SMARCAD1: variants seen among roughly 807,000 people sequenced by gnomAD.
SMARCAD1 encodes the protein SNF2 related chromatin remodeling ATPase with DExD box 1.
A neutral mutation model predicts 127.1 loss-of-function variants in SMARCAD1; 25 were observed. The observed-to-expected ratio is 0.20, with a 90% CI of 0.14 to 0.27. The LOEUF (loss-of-function observed/expected upper bound fraction) is 0.27, where lower values mean the gene tolerates loss of function less well. SMARCAD1 is among the 10% of genes least tolerant of loss of function. The pLI is 1.00. For missense variants in SMARCAD1, 807 were observed against 1,206.0 expected, an observed-to-expected ratio of 0.67 and a Z score of 4.90; for synonymous variants, 400 against 396.9, an observed-to-expected ratio of 1.01 and a Z score of -0.09.
intron 6 of SMARCAD1, among the ~76,000 whole-genome samples, chr4:94,247,059 A>G (rs557552914): frequency 6.6e-6 from 1 of 152,182 alleles, no homozygotes. Context: ...GGCATCTTAC[A>G]TTGGGATGGG....
intron 10 of SMARCAD1, among the ~76,000 whole-genome samples, chr4:94,266,998 T>G (rs900631302): frequency 6.6e-6 from 1 of 152,152 alleles, no homozygotes; most frequent in African/African-American, 2.4e-5. Context: ...AAATAAATCC[T>G]TAGTATTTCT....
chr4:94,272,275 G>A (rs977731878), intron 11 of SMARCAD1, among the ~76,000 whole-genome samples: 1 of 152,154 alleles, frequency 6.6e-6, no homozygotes, highest in Non-Finnish European at 1.5e-5. Context: ...CGACTCCAAC[G>A]TATGTATTGT....
At chr4:94,240,517 A>C (rs1747414275) in intron 5 of SMARCAD1, among the ~76,000 whole-genome samples, 1 of 152,206 alleles carries the variant, frequency 6.6e-6, no homozygotes, top group Admixed American at 6.5e-5. Flanking sequence ...GTAGACTCAG[A>C]AATTGCTGGT....
At chr4:94,210,612 A>G (rs1425623618) in intron 2 of SMARCAD1, among the ~76,000 whole-genome samples, 1 of 152,136 alleles carries the variant, frequency 6.6e-6, no homozygotes, top group Non-Finnish European at 1.5e-5. Flanking sequence ...AATGAAGGGC[A>G]GGGTTTAGAT....
intron 3 of SMARCAD1, among the ~76,000 whole-genome samples, chr4:94,232,023 A>G (rs1219325211): frequency 6.6e-6 from 1 of 151,824 alleles, no homozygotes; most frequent in Non-Finnish European, 1.5e-5. Flanking sequence ...CACCATGCCA[A>G]GCTAATTGTT....
chr4:94,255,872 G>A (rs554004453), intron 9 of SMARCAD1, among the ~76,000 whole-genome samples: 32 of 151,748 alleles, frequency 2.1e-4, no homozygotes, highest in African/African-American at 6.8e-4. Context: ...CAGTTTTTCT[G>A]CATAATAGCA....
chr4:94,278,983 A>T lies in SMARCAD1; in HGVS notation c.2351A>T (p.His784Leu). ...ATGCAGTTGAGGAAAATGGCCAATC[A>T]TCCTTTATTACATCGCCAATATTAC... is the stretch of plus-strand genomic sequence containing the variant. ...VMMQLRKMANHPLLHRQYYTA... is the reference protein window; with the variant it reads ...VMMQLRKMANLPLLHRQYYTA... The change falls in exon 19 of 24, where the codon CAT becomes CTT. Residue 784 changes from histidine to leucine, a missense_variant. His to Leu is a moderately conservative substitution (Grantham distance 99). Transcript: ENST00000354268. 6.2e-7 allele frequency: 1 copy of T among 1,614,166 alleles called. No homozygotes were observed. The highest frequency in any genetic ancestry group is 1.1e-5 in the South Asian group (1 of 91,082).
intron 9 of SMARCAD1, among the ~76,000 whole-genome samples, chr4:94,260,927 C>T (rs1438759012): frequency 6.6e-6 from 1 of 151,876 alleles, no homozygotes; most frequent in African/African-American, 2.4e-5. Flanking sequence ...TAAATTGGTA[C>T]AGCTTAAGTG....
At chr4:94,230,397 A>G (rs1269380700) in intron 3 of SMARCAD1, among the ~76,000 whole-genome samples, 4 of 152,036 alleles carry the variant, frequency 2.6e-5, no homozygotes, top group Non-Finnish European at 4.4e-5. Context: ...TATCAGTTCT[A>G]GAAATTTTTA....
chr4:94,246,706 C>T (rs982763254), intron 6 of SMARCAD1, among the ~76,000 whole-genome samples: 1 of 152,140 alleles, frequency 6.6e-6, no homozygotes, highest in African/African-American at 2.4e-5. Context: ...GTATCAAGTC[C>T]AGTCAACATG....
intron 2 of SMARCAD1, among the ~76,000 whole-genome samples, chr4:94,216,654 C>G (rs181788555): frequency 6.6e-6 from 1 of 152,122 alleles, no homozygotes; most frequent in Admixed American, 6.5e-5. Context: ...CTACCGTTTA[C>G]GTTGTCTTTT....
chr4:94,224,748 C>G (rs907753173), intron 2 of SMARCAD1, among the ~76,000 whole-genome samples: 8 of 152,076 alleles, frequency 5.3e-5, no homozygotes, highest in African/African-American at 1.9e-4. Context: ...ACTTGGATTT[C>G]AGATCTACTT....
Position 94,289,707 on chromosome 4 carries a change from T to G in SMARCAD1, c.*173T>G. The G allele has an allele frequency of 2.9e-6, 2 of 682,860 alleles. No homozygotes were observed. Among genetic ancestry groups the G allele is most frequent in the Non-Finnish European group, 5.4e-6 (2 of 368,454 alleles). The allele number at this position is 682,860 out of a possible 1,614,324, so 42.3% of individuals were successfully genotyped here. ...GCCACTAACTGAATTCTCCAAATAC[T>G]CACACGTGAAATTTCAAAAAAGAAG... is the stretch of plus-strand genomic sequence containing the variant. On this transcript the variant is annotated 3_prime_UTR_variant, in exon 24 of 24. Coordinates refer to ENST00000354268, the MANE Select transcript of SMARCAD1 (RefSeq NM_020159.5).
chr4:94,226,950 C>T (rs1198302045), intron 3 of SMARCAD1, among the ~76,000 whole-genome samples: 1 of 151,850 alleles, frequency 6.6e-6, no homozygotes, highest in African/African-American at 2.4e-5. Flanking sequence ...GCAGTCCTGC[C>T]ATCTCAGCCT....
At chr4:94,285,701 A>G (rs923859778) in intron 23 of SMARCAD1, among the ~76,000 whole-genome samples, 1 of 152,206 alleles carries the variant, frequency 6.6e-6, no homozygotes, top group Non-Finnish European at 1.5e-5. Context: ...TCAAATAATT[A>G]CTAGTCTTTC....
At chr4:94,240,879 T>A (rs768378897) in intron 5 of SMARCAD1, 27 bp from the exon 6 acceptor site, 14 of 1,568,992 alleles carry the variant, frequency 8.9e-6, no homozygotes, top group African/African-American at 1.4e-5. Flanking sequence ...CTGTGCAAAG[T>A]TTGAGTGTGC....
intron 4 of SMARCAD1, 101 bp downstream of exon 4, chr4:94,234,223 C>A (rs113675044): frequency 9.5e-7 from 1 of 1,050,352 alleles, no homozygotes; most frequent in Non-Finnish European, 1.4e-6. Context: ...AGATATCTTA[C>A]GTTTGAAGAT....
At position 94,289,799 on chromosome 4, in the gene SMARCAD1, AG is replaced by A; in HGVS notation, c.*266del. 1 of 564,258 alleles carries A rather than the reference AG, an allele frequency of 1.8e-6. No individual in the cohort carries two copies. Among genetic ancestry groups the A allele is most frequent in the Non-Finnish European group, 3.4e-6 (1 of 298,068 alleles). The allele number at this position is 564,258 out of a possible 1,614,324, so 35.0% of individuals were successfully genotyped here. Reference sequence around the variant, plus strand: ...CAAAGCAGTTTTCTGAATGGGGATTAGTTGGTGATTGTTTGTAACAAATATG... The same window carrying A: ...CAAAGCAGTTTTCTGAATGGGGATTATTGGTGATTGTTTGTAACAAATATG... On this transcript the variant is annotated 3_prime_UTR_variant, in exon 24 of 24. Transcript: ENST00000354268.
chr4:94,223,631 C>T (rs1744516214), intron 2 of SMARCAD1, among the ~76,000 whole-genome samples: 2 of 150,874 alleles, frequency 1.3e-5, no homozygotes, highest in African/African-American at 4.9e-5. Flanking sequence ...TGCAGTGGCA[C>T]GATCCTGGCT....
Sources: allele counts gnomAD v4.1 joint callset (sites outside exome capture counted in the v4.1 genomes callset), GRCh38; gene constraint gnomAD v4.1.1; transcripts MANE v1.5; gene names NCBI Gene and HGNC (gene_info 2026-07-23, HGNC 2026-07-21).